The following SLC30A8 variants were observed in gnomAD, a reference collection of about 807,000 sequenced individuals.
SLC30A8 encodes proton-coupled zinc antiporter SLC30A8.
SLC30A8 carries 27 observed loss-of-function variants against 36.9 expected under a neutral mutation model. The observed-to-expected ratio is 0.73, with a 90% CI of 0.54 to 1.01. The LOEUF (loss-of-function observed/expected upper bound fraction) is 1.01. Ranked by LOEUF, SLC30A8 falls within the 50% of genes least tolerant of loss-of-function variation. SLC30A8 has a pLI of 0.00. For synonymous variants in SLC30A8, 164 were observed against 172.4 expected, an observed-to-expected ratio of 0.95 and a Z score of 0.38; for missense variants, 439 against 452.0, an observed-to-expected ratio of 0.97 and a Z score of 0.26.
At chr8:116,971,608 A>G (rs964852967) in intron 1 of SLC30A8, among the ~76,000 whole-genome samples, 1 of 151,822 alleles carries the variant, frequency 6.6e-6, no homozygotes, top group South Asian at 2.1e-4. Flanking sequence ...TTTTTCCAGA[A>G]TCTTTTCCTC....
intron 1 of SLC30A8, among the ~76,000 whole-genome samples, chr8:117,143,080 C>T (rs1821731735): frequency 6.6e-6 from 1 of 151,752 alleles, no homozygotes; most frequent in African/African-American, 2.4e-5. Context: ...ATGTGCTCAA[C>T]ATTTGAAATA....
chr8:117,012,734 C>CACACACAT (rs1262182231), intron 1 of SLC30A8, among the ~76,000 whole-genome samples: 5 of 148,848 alleles, frequency 3.4e-5, no homozygotes. Flanking sequence ...TACACACACA[C>CACACACAT]ACACACACAC....
intron 1 of SLC30A8, among the ~76,000 whole-genome samples, chr8:116,964,954 G>A (rs1336740563): frequency 6.6e-6 from 1 of 152,138 alleles, no homozygotes; most frequent in African/African-American, 2.4e-5. Context: ...GTTTGTTTTT[G>A]AGACGGAATT....
intron 2 of SLC30A8, among the ~76,000 whole-genome samples, chr8:117,088,353 G>T (rs1586489587): frequency 6.6e-6 from 1 of 152,152 alleles, no homozygotes; most frequent in East Asian, 1.9e-4. Context: ...TCAGTACAAT[G>T]CAGATGCCCA....
At chr8:117,018,770 G>A (rs747298258) in intron 1 of SLC30A8, among the ~76,000 whole-genome samples, 3 of 150,030 alleles carry the variant, frequency 2.0e-5, no homozygotes, top group African/African-American at 4.9e-5. Flanking sequence ...GGGTTCAAGC[G>A]ATTCTCCTGC....
At chr8:117,035,633 G>C (rs1337073160) in intron 1 of SLC30A8, among the ~76,000 whole-genome samples, 1 of 152,228 alleles carries the variant, frequency 6.6e-6, no homozygotes, top group Non-Finnish European at 1.5e-5. Context: ...GACTCTGTGT[G>C]GGGGCTCACA....
intron 1 of SLC30A8, among the ~76,000 whole-genome samples, chr8:116,958,203 G>A (rs538622090): frequency 6.6e-6 from 1 of 152,188 alleles, no homozygotes; most frequent in South Asian, 2.1e-4. Flanking sequence ...ACTTAGGCAG[G>A]GGTGCGGTCA....
intron 2 of SLC30A8, among the ~76,000 whole-genome samples, chr8:117,065,704 A>G (rs1289497921): frequency 6.6e-6 from 1 of 152,120 alleles, no homozygotes; most frequent in Non-Finnish European, 1.5e-5. Flanking sequence ...AACTGGACAA[A>G]TGATGCAAGC....
At chr8:117,067,862 TG>T (rs964660736) in intron 2 of SLC30A8, among the ~76,000 whole-genome samples, 7 of 152,060 alleles carry the variant, frequency 4.6e-5, no homozygotes, top group Non-Finnish European at 5.9e-5. Context: ...TACTGGGAAA[TG>T]GGGGGCTCCT....
chr8:117,023,254 C>T (rs1392528527), intron 1 of SLC30A8, among the ~76,000 whole-genome samples: 2 of 152,134 alleles, frequency 1.3e-5, no homozygotes, highest in Admixed American at 1.3e-4. Flanking sequence ...GAAAGAGGAA[C>T]ACTTTTACAC....
At chr8:116,955,949 A>G (rs1043117270) in intron 1 of SLC30A8, among the ~76,000 whole-genome samples, 3 of 152,116 alleles carry the variant, frequency 2.0e-5, no homozygotes, top group East Asian at 3.9e-4. Flanking sequence ...TTGTTATGGC[A>G]TCCGTAGGAA....
chr8:117,079,179 T>G (rs1323949450), intron 2 of SLC30A8, among the ~76,000 whole-genome samples: 1 of 152,006 alleles, frequency 6.6e-6, no homozygotes, highest in Non-Finnish European at 1.5e-5. Flanking sequence ...GCCTGGCTAA[T>G]TTTTGTATTT....
chr8:116,956,037 G>A (rs1317140554), intron 1 of SLC30A8, among the ~76,000 whole-genome samples: 2 of 152,216 alleles, frequency 1.3e-5, no homozygotes, highest in Non-Finnish European at 2.9e-5. Flanking sequence ...GAACTTAGTT[G>A]AGGTTGGTGA....
chr8:117,082,629 T>A (rs149867712), intron 2 of SLC30A8, among the ~76,000 whole-genome samples: 1 of 152,154 alleles, frequency 6.6e-6, no homozygotes, highest in South Asian at 2.1e-4. Flanking sequence ...GTGAATGTCA[T>A]GTGATAGGAC....
chr8:117,168,729 C>T (rs971986794), intron 6 of SLC30A8, among the ~76,000 whole-genome samples: 2 of 152,176 alleles, frequency 1.3e-5, no homozygotes, highest in African/African-American at 4.8e-5. Flanking sequence ...GTCAACAGAA[C>T]TTCCCCAAAG....
Position 117,174,683 on chromosome 8 carries a change from C to CT in SLC30A8, c.*2007dup, listed in dbSNP as rs369338163. 3 of 152,516 alleles carry CT rather than the reference C, an allele frequency of 2.0e-5. No individual in the cohort carries two copies. Among genetic ancestry groups the CT allele is most frequent in the African/African-American group, 4.8e-5 (2 of 41,436 alleles). The allele number at this position is 152,516 out of a possible 1,614,324, so 9.4% of individuals were successfully genotyped here. A position where few individuals can be genotyped will look rare whatever the true frequency, so the allele number is the denominator to read the frequency against. ...TTAGTATAATTCTTTGCTTCTGCTTCTTTTTGAAAATCATGTTTAGATTTG... is the reference window on the plus strand; with the variant it reads ...TTAGTATAATTCTTTGCTTCTGCTTCTTTTTTGAAAATCATGTTTAGATTTG... On this transcript the variant is annotated 3_prime_UTR_variant, in exon 8 of 8. Transcript: ENST00000456015.
intron 2 of SLC30A8, among the ~76,000 whole-genome samples, chr8:117,129,081 A>C (rs918041351): frequency 6.6e-6 from 1 of 152,056 alleles, no homozygotes; most frequent in South Asian, 2.1e-4. Flanking sequence ...GCAGAATTTA[A>C]TACACTGTTG....
intron 4 of SLC30A8, among the ~76,000 whole-genome samples, chr8:117,158,310 G>A (rs545483040): frequency 6.6e-6 from 1 of 152,324 alleles, no homozygotes; most frequent in East Asian, 1.9e-4. Context: ...TTTCTATGGG[G>A]TGAGCAGATG....
At chr8:116,952,412 G>C (rs1013985352) in intron 1 of SLC30A8, among the ~76,000 whole-genome samples, 2 of 151,852 alleles carry the variant, frequency 1.3e-5, no homozygotes, top group Admixed American at 6.5e-5. Context: ...TCCCTTGAAG[G>C]CATCATGGCC....
Sources: gnomAD v4.1 joint callset for allele counts (sites outside exome capture counted in the v4.1 genomes callset) on GRCh38, gnomAD v4.1.1 for gene constraint, MANE v1.5 for transcripts, NCBI Gene and HGNC (gene_info 2026-07-23, HGNC 2026-07-21) for gene names.